The following CSPG4 variants were observed in gnomAD, a reference collection of about 807,000 sequenced individuals.
CSPG4 encodes chondroitin sulfate proteoglycan 4, also known as chondroitin sulfate proteoglycan 4 (melanoma-associated).
In CSPG4, 74 loss-of-function variants were observed where a neutral mutation model predicts 139.3. The ratio of observed to expected loss-of-function variants is 0.53; its 90% CI spans 0.44 to 0.64. CSPG4 has a LOEUF of 0.64. Among genes scored for constraint, CSPG4 ranks in the 30% least tolerant of loss-of-function variants. CSPG4 has a pLI of 0.00. For missense variants in CSPG4, 2,565 were observed against 3,148.3 expected, an observed-to-expected ratio of 0.81 and a Z score of 4.43; for synonymous variants, 1,234 against 1,394.2, an observed-to-expected ratio of 0.89 and a Z score of 2.56.
chr15:75,688,619 G>C lies in CSPG4; in HGVS notation c.2446C>G (p.Pro816Ala). The change falls in exon 3 of 10, where the codon CCA becomes GCA. Residue 816 changes from proline (P) to alanine (A), a missense_variant. Around this residue, in one of 5 missense-constraint regions of CSPG4, gnomAD observed 2,316 missense variants for 2,818.2 expected, o/e 0.82. Transcript: ENST00000308508. ...TCATAATGGAAGGTTGGGGGGCTTG[G>C]GCCTGCCTCCTCCAGGGTGGCCTCC... ...HLEATLEEAG[P>A]SPPTFHYEVV... The C allele has an allele frequency of 6.2e-7, 1 of 1,612,810 alleles. No homozygotes were observed. Among genetic ancestry groups the C allele is most frequent in the Non-Finnish European group, 8.5e-7 (1 of 1,179,910 alleles).
chr15:75,686,321 T>A lies in CSPG4; in HGVS notation c.3790-620A>T, dbSNP rs1157963000. Among the ~76,000 whole-genome samples, 88 of 151,310 alleles carry A rather than the reference T, an allele frequency of 5.8e-4. 1 individual carries two copies. In the South Asian group the frequency reaches 6.7e-3, roughly 11 times the overall value. On this transcript the variant is annotated intron_variant, in intron 3 of 9. Transcript: ENST00000308508. ...CCTGCTCAGGATCCGTTCAGGCCTG[T>A]GGCTGGTTTGCAGGCAGCACCTCCC...
intron 5 of CSPG4, 137 bp from the exon 6 acceptor site, chr15:75,683,178 G>A: frequency 1.2e-6 from 1 of 823,724 alleles, no homozygotes; most frequent in Non-Finnish European, 1.9e-6. Context: ...CGCCACTCTG[G>A]CTCCCCTGCA....
In CSPG4 at chr15:75,676,952, AG is replaced by A; in HGVS notation, c.5566del (p.Leu1856Ter). 1.3e-6 allele frequency: 2 copies of A among 1,522,106 alleles called. No individual in the cohort carries two copies. Among genetic ancestry groups the A allele is most frequent in the Non-Finnish European group, 1.8e-6 (2 of 1,129,936 alleles). The allele number at this position is 1,522,106 out of a possible 1,614,324, so 94.3% of individuals were successfully genotyped here. On this transcript the variant is annotated frameshift_variant, in exon 10 of 10. Coordinates refer to ENST00000308508, the MANE Select transcript of CSPG4 (RefSeq NM_001897.5). LOFTEE classifies it low-confidence loss of function (END_TRUNC). ...AGCTGAGTCTGGGTCCACCACACTC[AG>A]CTGGGCCCGGGAGATGGGGGCACGA... The part of the protein sequence containing the change: ...GSRAPISRAQ[L>X]SVVDPDSAPG...
In CSPG4 at chr15:75,683,332, G is replaced by A. The variant is rs372051900; in HGVS notation, c.4450-291C>T. Among the ~76,000 whole-genome samples, 51 of 152,242 alleles carry A rather than the reference G, an allele frequency of 3.3e-4. 1 individual carries two copies. Among genetic ancestry groups the A allele is most frequent in the African/African-American group, 1.2e-3 (51 of 41,530 alleles). ...CAGCTTATGTCCCCTACCCAGGAAG[G>A]CCCCAGCTCTTACCCTCACCAAGTT... On this transcript the variant is annotated intron_variant, in intron 5 of 9. Transcript: ENST00000308508.
rs748677212 is a variant in CSPG4 at position 75,688,881 on chromosome 15, T to A, written c.2184A>T (p.Thr728=). The change falls in exon 3 of 10, where the codon ACA becomes ACT. Residue 728 remains threonine (T), a synonymous_variant. Transcript: ENST00000308508. Reference sequence around the variant, plus strand: ...CCACATCCCGCTGGTGGAACGCCTGTGTGGCCCACCACTCAGCACCCTCCA... The same window carrying A: ...CCACATCCCGCTGGTGGAACGCCTGAGTGGCCCACCACTCAGCACCCTCCA... ...GGVEGAEWWA[T]QAFHQRDVEQ... The A allele has an allele frequency of 6.2e-7, 1 of 1,612,318 alleles. No homozygotes were observed. Among genetic ancestry groups the A allele is most frequent in the Non-Finnish European group, 8.5e-7 (1 of 1,179,954 alleles).
chr15:75,689,895 A>G lies in CSPG4; in HGVS notation c.1170T>C (p.Asp390=), dbSNP rs1213637365. ...CRLEEEEYED[D]AYGHYEAFST... ...AGAAAGCTTCATAATGTCCATAGGC[A>G]TCGTCCTCATACTCCTCCTCCTCCA... is the stretch of plus-strand genomic sequence containing the variant. Residue 390 remains aspartate (D), a synonymous_variant, in exon 3 of 10, where the codon GAT becomes GAC. Transcript: ENST00000308508. 1 of 1,612,014 alleles carries G rather than the reference A, an allele frequency of 6.2e-7. No individual in the cohort carries two copies. The highest frequency in any genetic ancestry group is 8.5e-7 in the Non-Finnish European group (1 of 1,179,550).
rs138232907 is a variant in CSPG4 at position 75,677,786 on chromosome 15, C to T, written c.5051G>A (p.Arg1684Gln). Reference protein sequence around the residue: ...LELQLSSPPARDVAATLAVAV... With the variant: ...LELQLSSPPAQDVAATLAVAV... ...CACAGCAAGGGTGGCGGCCACGTCC[C>T]GGGCAGGCGGCGAGGACAGCTGGAG... The change falls in exon 9 of 10, where the codon CGG (arginine) becomes CAG (glutamine). Residue 1684 changes from arginine to glutamine, a missense_variant. Arg to Gln is a conservative substitution (Grantham distance 43). This residue lies in a region of CSPG4 where 2,316 missense variants were observed against 2,818.2 expected (regional missense o/e 0.82). Transcript: ENST00000308508. 3.3e-5 allele frequency: 53 copies of T among 1,611,456 alleles called. No homozygotes were observed. The highest frequency in any genetic ancestry group is 2.0e-4 in the African/African-American group (15 of 74,834).
intron 1 of CSPG4, among the ~76,000 whole-genome samples, chr15:75,703,446 G>A (rs1362972552): frequency 6.6e-6 from 1 of 151,600 alleles, no homozygotes; most frequent in African/African-American, 2.4e-5. Context: ...AGTCCGGGTG[G>A]AGCCGGTGAG....
chr15:75,674,904 C>T lies in CSPG4; in HGVS notation c.*646G>A, dbSNP rs1442986022. Reference sequence around the variant, plus strand: ...AGCTCAGCACCATGTTAAATAGCTTCCTTGCAATCTCCCTTAAATAAACCC... The same window carrying T: ...AGCTCAGCACCATGTTAAATAGCTTTCTTGCAATCTCCCTTAAATAAACCC... On this transcript the variant is annotated 3_prime_UTR_variant, in exon 10 of 10. Coordinates refer to ENST00000308508, the MANE Select transcript of CSPG4 (RefSeq NM_001897.5). 1 of 398,450 alleles carries T rather than the reference C, an allele frequency of 2.5e-6. No homozygotes were observed. The highest frequency in any genetic ancestry group is 4.4e-6 in the Non-Finnish European group (1 of 226,048). The allele number at this position is 398,450 out of a possible 1,614,324, so 24.7% of individuals were successfully genotyped here. A position where few individuals can be genotyped will look rare whatever the true frequency, so the allele number is the denominator to read the frequency against.
chr15:75,699,654 G>C (rs1175074857), intron 1 of CSPG4, among the ~76,000 whole-genome samples: 1 of 151,902 alleles, frequency 6.6e-6, no homozygotes, highest in African/African-American at 2.4e-5. Flanking sequence ...GAAGCAGGAG[G>C]GGAAATGAGA....
Position 75,698,892 on chromosome 15 carries a change from C to T in CSPG4, c.89-5659G>A, listed in dbSNP as rs1894264261. 6.6e-6 allele frequency among the ~76,000 whole-genome samples: 1 copy of T among 152,140 alleles called. No homozygotes were observed. Among genetic ancestry groups the T allele is most frequent in the Non-Finnish European group, 1.5e-5 (1 of 68,006 alleles). ...TTAAGGTCAGACTAAGGGGAGCGAC[C>T]TGCCCAGTGATGACACTGGGGTCAC... On this transcript the variant is annotated intron_variant, in intron 1 of 9. Coordinates refer to ENST00000308508, the MANE Select transcript of CSPG4 (RefSeq NM_001897.5). This position sits in a 1 kb window ranked among gnomAD's most constrained non-coding sequence, Gnocchi z 4.3.
intron 1 of CSPG4, among the ~76,000 whole-genome samples, chr15:75,700,469 C>T (rs1241075707): frequency 1.3e-5 from 2 of 152,168 alleles, no homozygotes; most frequent in Non-Finnish European, 2.9e-5. Flanking sequence ...CTGGGGCTGG[C>T]CGAATCGGGA....
chr15:75,705,908 C>CGT (rs760448236), intron 1 of CSPG4, among the ~76,000 whole-genome samples: 2 of 151,250 alleles, frequency 1.3e-5, no homozygotes, highest in Admixed American at 6.6e-5. Flanking sequence ...TGTCTGTGTG[C>CGT]GTGTGTGTGT....
chr15:75,705,186 G>A (rs1894354763), intron 1 of CSPG4, among the ~76,000 whole-genome samples: 1 of 152,108 alleles, frequency 6.6e-6, no homozygotes, highest in South Asian at 2.1e-4. Context: ...GAGGGGTGTG[G>A]GCCTCAGCCC....
intron 1 of CSPG4, among the ~76,000 whole-genome samples, chr15:75,710,686 G>C (rs923649528): frequency 1.3e-5 from 2 of 152,168 alleles, no homozygotes; most frequent in African/African-American, 4.8e-5. Context: ...GATACGGGAG[G>C]ACGAGGGCCT....
intron 8 of CSPG4, chr15:75,679,031 T>G: frequency 6.0e-6 from 2 of 332,810 alleles, no homozygotes; most frequent in South Asian, 4.8e-5. Flanking sequence ...TCCAGGCTCT[T>G]TTCTGTCTAC....
intron 5 of CSPG4, among the ~76,000 whole-genome samples, chr15:75,684,521 T>C (rs1278492772): frequency 1.3e-5 from 2 of 152,212 alleles, no homozygotes; most frequent in Non-Finnish European, 2.9e-5. Flanking sequence ...CTACCATACT[T>C]GCAAACATCC....
In CSPG4 at chr15:75,691,099, G is replaced by A. The variant is rs866670709; in HGVS notation, c.253-287C>T. On this transcript the variant is annotated intron_variant, in intron 2 of 9. Coordinates refer to ENST00000308508, the MANE Select transcript of CSPG4 (RefSeq NM_001897.5). ...TGTGGCAGGAGAATTGCTTGAACTC[G>A]GGAGGTGGAGGTTGCAGTGAGCTGA... 5.3e-5 allele frequency among the ~76,000 whole-genome samples: 8 copies of A among 152,272 alleles called. 1 individual carries two copies. In the Middle Eastern group the frequency reaches 0.02, roughly 388 times the overall value.
Position 75,688,557 on chromosome 15 carries a change from T to C in CSPG4, c.2508A>G (p.Leu836=), listed in dbSNP as rs747890375. 10 of 1,612,988 alleles carry C rather than the reference T, an allele frequency of 6.2e-6. No individual in the cohort carries two copies. The South Asian group carries it at 8.8e-5, about 14-fold the overall frequency. ...VQAPRKGNLQ[L]QGTRLSDGQG... ...GGCCATCTGACAGCCTTGTGCCCTG[T>C]AGTTGAAGGTTGCCTTTCCTGGGAG... Residue 836 remains leucine, a synonymous_variant, in exon 3 of 10, where the codon CTA becomes CTG. Transcript: ENST00000308508.
Sources: gnomAD v4.1 joint callset for allele counts (sites outside exome capture counted in the v4.1 genomes callset) on GRCh38, gnomAD v4.1.1 for gene constraint, gnomAD v4.1.1 regional missense constraint, Gnocchi (gnomAD v3.1) non-coding constraint, MANE v1.5 for transcripts, NCBI Gene and HGNC (gene_info 2026-07-23, HGNC 2026-07-21) for gene names.